GLRA1: variants seen among roughly 807,000 people sequenced by gnomAD.
GLRA1 encodes glycine receptor subunit alpha-1.
In GLRA1, 37 loss-of-function variants were observed where a neutral mutation model predicts 48.3. That is an observed-to-expected ratio of 0.77 (90% CI 0.59 to 1.01). GLRA1 has a LOEUF of 1.01. GLRA1 is among the 50% of genes least tolerant of loss of function. The pLI is 0.00. For synonymous variants in GLRA1, 196 were observed against 210.7 expected (o/e 0.93, Z 0.60); for missense variants, 427 against 571.0 (o/e 0.75, Z 2.57).
chr5:151,854,512 C>T (rs1752985641), intron 6 of GLRA1, among the ~76,000 whole-genome samples: 1 of 152,182 alleles, frequency 6.6e-6, no homozygotes, highest in African/African-American at 2.4e-5. Context: ...TGATCTGGCC[C>T]CAGTCATCCA....
At chr5:151,893,566 G>A (rs988619419) in intron 1 of GLRA1, among the ~76,000 whole-genome samples, 4 of 151,926 alleles carry the variant, frequency 2.6e-5, no homozygotes, top group African/African-American at 9.7e-5. Flanking sequence ...GTGTCCACAT[G>A]TTCTTATTGT....
At chr5:151,924,413 T>C in intron 1 of GLRA1, 81 bp downstream of exon 1, 2 of 888,010 alleles carry the variant, frequency 2.3e-6, no homozygotes, top group Admixed American at 1.7e-5. Context: ...CCCAAAATGA[T>C]GGGACCACGG....
At chr5:151,857,120 C>A (rs550305137) in intron 4 of GLRA1, among the ~76,000 whole-genome samples, 2 of 152,332 alleles carry the variant, frequency 1.3e-5, no homozygotes, top group South Asian at 2.1e-4. Flanking sequence ...AGCGACAAAC[C>A]TCTTTTCCCA....
chr5:151,823,221 C>G (rs986302277), intron 8 of GLRA1, among the ~76,000 whole-genome samples: 5 of 152,022 alleles, frequency 3.3e-5, no homozygotes, highest in African/African-American at 1.2e-4. Context: ...TGTTCAAGTC[C>G]CAGCTCTATC....
chr5:151,924,350 G>T, intron 1 of GLRA1, 144 bp downstream of exon 1: 1 of 688,192 alleles, frequency 1.5e-6, no homozygotes. Context: ...GGGGGGAGAA[G>T]GGAGACGGGG....
intron 1 of GLRA1, among the ~76,000 whole-genome samples, chr5:151,894,435 C>G (rs145592426): frequency 6.6e-6 from 1 of 152,178 alleles, no homozygotes; most frequent in Non-Finnish European, 1.5e-5. Context: ...CTGAACACTA[C>G]AGCTTCCTTC....
Position 151,871,735 on chromosome 5 carries a change from T to A in GLRA1, c.253-11727A>T, listed in dbSNP as rs199969373. Among the ~76,000 whole-genome samples the A allele has an allele frequency of 9.3e-4, 139 of 149,058 alleles. 9 individuals are homozygous for A. In the East Asian group the frequency reaches 0.011, roughly 12 times the overall value. The stretch of plus-strand genomic sequence containing the variant: ...GCCACCACGCCCGGCTAATTTTTTT[T>A]ATGTATTTTTAGTAGAGACGGGGTT... On this transcript the variant is annotated intron_variant, in intron 3 of 8. Transcript: ENST00000274576.
At chr5:151,914,044 A>C (rs1184503255) in intron 1 of GLRA1, among the ~76,000 whole-genome samples, 1 of 152,238 alleles carries the variant, frequency 6.6e-6, no homozygotes, top group African/African-American at 2.4e-5. Flanking sequence ...AATATTTTAC[A>C]ACAAATATGT....
intron 7 of GLRA1, chr5:151,850,178 C>T: frequency 2.5e-6 from 4 of 1,603,468 alleles, no homozygotes; most frequent in Non-Finnish European, 3.4e-6. Flanking sequence ...TGGGAGCAGG[C>T]AAAGCCCATG....
At chr5:151,899,989 C>T (rs956901111) in intron 1 of GLRA1, among the ~76,000 whole-genome samples, 9 of 152,114 alleles carry the variant, frequency 5.9e-5, no homozygotes, top group African/African-American at 2.2e-4. Flanking sequence ...CTGGACTAAA[C>T]CTTAAAATCT....
intron 7 of GLRA1, among the ~76,000 whole-genome samples, chr5:151,838,237 G>A (rs1763624315): frequency 1.3e-5 from 2 of 152,134 alleles, no homozygotes; most frequent in Non-Finnish European, 2.9e-5. Flanking sequence ...GGAGGCTGAG[G>A]CAGGTAGATC....
At chr5:151,889,526 T>C (rs1754002249) in intron 2 of GLRA1, among the ~76,000 whole-genome samples, 1 of 152,226 alleles carries the variant, frequency 6.6e-6, no homozygotes, top group South Asian at 2.1e-4. Flanking sequence ...TCACAGTTTC[T>C]TTGCCATTGT....
intron 7 of GLRA1, chr5:151,850,102 A>G: frequency 6.2e-7 from 1 of 1,603,982 alleles, no homozygotes; most frequent in Non-Finnish European, 8.5e-7. Flanking sequence ...ATGGGGACAG[A>G]TGGGTACCAC....
chr5:151,850,382 A>C, intron 7 of GLRA1: 1 of 1,315,088 alleles, frequency 7.6e-7, no homozygotes, highest in Non-Finnish European at 1.1e-6. Context: ...GAGTGATAGC[A>C]ACCTTTGATC....
rs201652614 is a variant in GLRA1 at position 151,849,104 on chromosome 5, TTTTCTTTC to T, written c.912+2278_912+2285del. On this transcript the variant is annotated intron_variant, in intron 7 of 8. Transcript: ENST00000274576. Reference sequence around the variant, plus strand: ...TTTTCTTTCCTTTTTATTTCTTTTCTTTTCTTTCTTTCTTTCTTTCTTTCTTTCTTTCT... The same window carrying T: ...TTTTCTTTCCTTTTTATTTCTTTTCTTTTCTTTCTTTCTTTCTTTCTTTCT... 378 of 117,008 alleles carry T rather than the reference TTTTCTTTC, an allele frequency of 3.2e-3. 11 individuals carry two copies. The highest frequency in any genetic ancestry group is 6.0e-3 in the South Asian group (19 of 3,174). The allele number at this position is 117,008 out of a possible 1,614,324, so 7.2% of individuals were successfully genotyped here.
intron 8 of GLRA1, among the ~76,000 whole-genome samples, chr5:151,828,175 C>G (rs2113288192): frequency 6.6e-6 from 1 of 152,256 alleles, no homozygotes; most frequent in Non-Finnish European, 1.5e-5. Context: ...ACACAGTGCA[C>G]TGGAAGAGCA....
At chr5:151,896,131 C>A (rs191031989) in intron 1 of GLRA1, among the ~76,000 whole-genome samples, 1 of 152,306 alleles carries the variant, frequency 6.6e-6, no homozygotes, top group Non-Finnish European at 1.5e-5. Context: ...GCATAACATG[C>A]CATTTAATAC....
chr5:151,841,135 A>G (rs1001226191), intron 7 of GLRA1, among the ~76,000 whole-genome samples: 6 of 152,176 alleles, frequency 3.9e-5, no homozygotes, highest in Admixed American at 3.9e-4. Flanking sequence ...TTATGCATAA[A>G]ACAAGTCTCA....
chr5:151,833,927 C>G (rs2113300425), intron 7 of GLRA1, among the ~76,000 whole-genome samples: 2 of 152,008 alleles, frequency 1.3e-5, no homozygotes, highest in Middle Eastern at 6.8e-3. Flanking sequence ...ACAAGAAGAG[C>G]TAACTGTCCT....
Sources: gnomAD v4.1 joint callset for allele counts (sites outside exome capture counted in the v4.1 genomes callset) on GRCh38, gnomAD v4.1.1 for gene constraint, MANE v1.5 for transcripts, NCBI Gene and HGNC (gene_info 2026-07-23, HGNC 2026-07-21) for gene names.